Variants in STK33 observed in about 807,000 individuals in gnomAD.
STK33 encodes serine/threonine-protein kinase 33.
A neutral mutation model predicts 58.0 loss-of-function variants in STK33; 52 were observed. That is an observed-to-expected ratio of 0.90 (90% confidence interval 0.72 to 1.13). STK33 has a LOEUF of 1.13. Among genes scored for constraint, STK33 ranks in the 50% most tolerant of loss-of-function variants. STK33 has a pLI of 0.00. For synonymous variants in STK33, 215 were observed against 200.1 expected (o/e 1.07, Z -0.63); for missense variants, 630 against 604.2 (o/e 1.04, Z -0.45).
chr11:8,387,957 G>T (rs1848567149), downstream of STK33, among the ~76,000 whole-genome samples: 1 of 152,168 alleles, frequency 6.6e-6, no homozygotes, highest in South Asian at 2.1e-4. Context: ...CAAAGGGCAG[G>T]GAGACTTCTA....
chr11:8,465,140 A>G (rs1457488974), intron 6 of STK33: 2 of 182,994 alleles, frequency 1.1e-5, no homozygotes, highest in Non-Finnish European at 2.3e-5. Context: ...TCATAAGAAA[A>G]AGGAGAAATG....
chr11:8,336,713 C>T, the STK33 span, among the ~76,000 whole-genome samples: 7 of 152,256 alleles, frequency 4.6e-5, no homozygotes, highest in African/African-American at 9.6e-5. Context: ...CAGGTGTAAG[C>T]GGATAAATTG....
intron 1 of STK33, among the ~76,000 whole-genome samples, chr11:8,587,488 G>A (rs1039639569): frequency 3.3e-5 from 5 of 151,402 alleles, no homozygotes; most frequent in Non-Finnish European, 5.9e-5. Context: ...AAGAACACGA[G>A]GCACACCTCC....
the STK33 span, among the ~76,000 whole-genome samples, chr11:8,337,755 C>T: frequency 5.9e-5 from 9 of 152,148 alleles, no homozygotes; most frequent in African/African-American, 2.2e-4. Context: ...CCACTCCAGC[C>T]CTGACCCTTG....
intron 6 of STK33, chr11:8,465,645 C>A (rs1948091008): frequency 1.3e-5 from 2 of 152,176 alleles, no homozygotes; most frequent in African/African-American, 4.8e-5. Context: ...GCATAGGAAC[C>A]AGAACATGGG....
At chr11:8,424,787 C>CTTT (rs1942478015) in intron 14 of STK33, among the ~76,000 whole-genome samples, 1 of 135,354 alleles carries the variant, frequency 7.4e-6, no homozygotes, top group African/African-American at 3.0e-5. Context: ...TAAATGTCTT[C>CTTT]TTTTGAGAAG....
At chr11:8,357,241 G>A in the STK33 span, among the ~76,000 whole-genome samples, 2 of 152,194 alleles carry the variant, frequency 1.3e-5, no homozygotes, top group South Asian at 2.1e-4. Context: ...AATTAGCAGC[G>A]CGCGGCGCGA....
At chr11:8,350,417 G>C in the STK33 span, among the ~76,000 whole-genome samples, 1 of 152,220 alleles carries the variant, frequency 6.6e-6, no homozygotes, top group East Asian at 1.9e-4. Context: ...GGAACAGGCT[G>C]AGCTAAGCCA....
chr11:8,433,912 A>G (rs1386602375), intron 14 of STK33: 1 of 152,392 alleles, frequency 6.6e-6, no homozygotes, highest in Admixed American at 6.6e-5. Flanking sequence ...CCCCACCCCA[A>G]TAGTCAGAGT....
chr11:8,556,613 T>C (rs905724489), intron 1 of STK33, among the ~76,000 whole-genome samples: 1 of 152,188 alleles, frequency 6.6e-6, no homozygotes, highest in African/African-American at 2.4e-5. Flanking sequence ...TTTTTTTAAA[T>C]CACTTATCCA....
intron 1 of STK33, among the ~76,000 whole-genome samples, chr11:8,581,529 C>A (rs945043033): frequency 1.3e-5 from 2 of 152,142 alleles, no homozygotes; most frequent in African/African-American, 4.8e-5. Flanking sequence ...AAAGAACCTG[C>A]ACTGAGCTAA....
chr11:8,523,920 T>C (rs903240300), intron 1 of STK33, among the ~76,000 whole-genome samples: 10 of 152,234 alleles, frequency 6.6e-5, no homozygotes, highest in African/African-American at 2.4e-4. Context: ...ATTGTTACTG[T>C]GTCTGTGTGG....
At chr11:8,510,235 C>A (rs1287474851) in intron 1 of STK33, among the ~76,000 whole-genome samples, 1 of 152,124 alleles carries the variant, frequency 6.6e-6, no homozygotes, top group South Asian at 2.1e-4. Flanking sequence ...TTTTAATTTG[C>A]GTTTCCCTGA....
chr11:8,558,774 C>A (rs1247318380), intron 1 of STK33, among the ~76,000 whole-genome samples: 3 of 152,194 alleles, frequency 2.0e-5, no homozygotes, highest in African/African-American at 7.2e-5. Context: ...TGACAAAAAT[C>A]ATGGATAACA....
rs563207393 is a variant in STK33, at chr11:8,392,497, A to C, written c.*13T>G. ...CAGCTTTGTTTTTGTACTGTCCAAC[A>C]CTGGAGGGAACCTTAGAGTTTCTTT... On this transcript the variant is annotated 3_prime_UTR_variant, in exon 16 of 16. Coordinates refer to ENST00000687296, the MANE Select transcript of STK33 (RefSeq NM_001352389.2). 6.2e-7 allele frequency: 1 copy of C among 1,613,970 alleles called. No individual in the cohort carries two copies. The highest frequency in any genetic ancestry group is 1.7e-5 in the Admixed American group (1 of 59,986).
chr11:8,457,529 A>G (rs541817175), intron 8 of STK33, 50 bp from the exon 9 acceptor site: 1 of 1,451,538 alleles, frequency 6.9e-7, no homozygotes, highest in Admixed American at 1.9e-5. Flanking sequence ...ATATCTGGGG[A>G]TCTTTAAAAT....
chr11:8,478,292 A>G (rs1205424636), intron 2 of STK33, among the ~76,000 whole-genome samples: 1 of 152,200 alleles, frequency 6.6e-6, no homozygotes, highest in Non-Finnish European at 1.5e-5. Flanking sequence ...ACAGGACTTT[A>G]GATATAAAAA....
intron 6 of STK33, among the ~76,000 whole-genome samples, chr11:8,467,888 C>T (rs188928130): frequency 2.1e-4 from 32 of 151,854 alleles, no homozygotes; most frequent in Admixed American, 1.8e-3. Flanking sequence ...AAGGTTGCAG[C>T]GAGCTGAGAT....
intron 6 of STK33, among the ~76,000 whole-genome samples, chr11:8,469,425 A>T (rs1326166726): frequency 1.3e-5 from 2 of 152,214 alleles, no homozygotes; most frequent in Non-Finnish European, 2.9e-5. Context: ...TCCCATCTTC[A>T]GGCTCCACTT....
Sources: gnomAD v4.1 joint callset for allele counts (sites outside exome capture counted in the v4.1 genomes callset) on GRCh38, gnomAD v4.1.1 for gene constraint, MANE v1.5 for transcripts, NCBI Gene and HGNC (gene_info 2026-07-23, HGNC 2026-07-21) for gene names.